The following TPCN2 variants were observed in gnomAD, a reference collection of about 807,000 sequenced individuals.
The protein encoded by TPCN2 is two pore channel protein 2.
TPCN2 carries 92 observed loss-of-function variants against 111.4 expected under a neutral mutation model. The observed-to-expected ratio is 0.83, with a 90% CI of 0.70 to 0.98. TPCN2 has a LOEUF of 0.98. TPCN2 is among the 50% of genes least tolerant of loss of function. TPCN2 has a pLI of 0.00. For missense variants in TPCN2, 995 were observed against 980.1 expected (o/e 1.02, Z -0.20); for synonymous variants, 405 against 414.5 (o/e 0.98, Z 0.28).
Position 69,062,901 on chromosome 11 carries a change from G to C in TPCN2, c.564G>C (p.Arg188=), listed in dbSNP as rs955576959. The change falls in exon 6 of 25, where the codon CGG becomes CGC. Residue 188 remains arginine (R), a synonymous_variant. Coordinates refer to ENST00000294309, the MANE Select transcript of TPCN2 (RefSeq NM_139075.4). ...TCTTCCAGCCCCTGCGGATCCGCCG[G>C]CTTCTCCGTCCCTTCTTCCTGCTGC... The part of the protein sequence containing the change: ...LVCHEPLRIR[R]LLRPFFLLQN... 2 of 1,613,962 alleles carry C rather than the reference G, an allele frequency of 1.2e-6. No homozygotes were observed. The highest frequency in any genetic ancestry group is 1.7e-6 in the Non-Finnish European group (2 of 1,179,902).
chr11:69,070,280 C>G lies in TPCN2; in HGVS notation c.830-150C>G, dbSNP rs552003076. 10 of 600,706 alleles carry G rather than the reference C, an allele frequency of 1.7e-5. No homozygotes were observed. The Admixed American group carries it at 2.4e-4, about 15-fold the overall frequency. 37.2% of individuals were successfully genotyped at this position (600,706 alleles called of 1,614,324 possible). On this transcript the variant is annotated intron_variant, in intron 8 of 24. Coordinates refer to ENST00000294309, the MANE Select transcript of TPCN2 (RefSeq NM_139075.4). The stretch of plus-strand genomic sequence containing the variant: ...ACCTCAAGTGATCCACCCGCCTCAG[C>G]CTCCCAAAGTGCTGGGATTACAGGC...
At chr11:69,072,463 C>T (rs565043954) in intron 11 of TPCN2, among the ~76,000 whole-genome samples, 164 bp from the exon 12 acceptor site, 24 of 151,858 alleles carry the variant, frequency 1.6e-4, no homozygotes, top group Admixed American at 1.4e-3. Flanking sequence ...CTCGGGGGGA[C>T]GGCAGTGGCA....
intron 4 of TPCN2, among the ~76,000 whole-genome samples, 169 bp downstream of exon 4, chr11:69,055,521 G>A (rs1211890407): frequency 6.6e-6 from 1 of 152,254 alleles, no homozygotes; most frequent in Non-Finnish European, 1.5e-5. Context: ...GCCTGAGGCA[G>A]AGGCTATGTC....
At chr11:69,065,445 G>A (rs770786330) in intron 7 of TPCN2, among the ~76,000 whole-genome samples, 5 of 152,194 alleles carry the variant, frequency 3.3e-5, no homozygotes, top group African/African-American at 1.2e-4. Context: ...TCTGCCCCAC[G>A]AAGGGGACCT....
intron 22 of TPCN2, 121 bp from the exon 23 acceptor site, chr11:69,086,402 C>A: frequency 1.2e-6 from 1 of 813,502 alleles, no homozygotes; most frequent in Non-Finnish European, 2.2e-6. Context: ...ACGCGCTCTG[C>A]ATCATGGTGT....
At chr11:69,074,931 A>G (rs1855689206) in intron 13 of TPCN2, among the ~76,000 whole-genome samples, 1 of 151,970 alleles carries the variant, frequency 6.6e-6, no homozygotes, top group African/African-American at 2.4e-5. Context: ...TGACTCTCCC[A>G]CCCTTTTCCA....
chr11:69,055,542 C>T (rs985940518), intron 4 of TPCN2, among the ~76,000 whole-genome samples, 190 bp downstream of exon 4: 1 of 152,230 alleles, frequency 6.6e-6, no homozygotes, highest in Non-Finnish European at 1.5e-5. Flanking sequence ...AGCTCTCCTC[C>T]CTCTCCACCA....
chr11:69,073,877 C>T, intron 13 of TPCN2, among the ~76,000 whole-genome samples: 1 of 152,176 alleles, frequency 6.6e-6, no homozygotes, highest in East Asian at 1.9e-4. Flanking sequence ...AGGCCTCTCT[C>T]CATGGCTGTA....
In TPCN2 at chr11:69,089,782, C is replaced by T. The variant is rs995370814; in HGVS notation, c.*1829C>T. 2.0e-5 allele frequency: 3 copies of T among 152,280 alleles called. No individual in the cohort carries two copies. The highest frequency in any genetic ancestry group is 7.2e-5 in the African/African-American group (3 of 41,436). 9.4% of individuals were successfully genotyped at this position (152,280 alleles called of 1,614,324 possible). ...CCCTGTCAAACTGCCTTTACTTTTT[C>T]CTTCCTTCCTTGCTCCCACCTGTGT... is the stretch of plus-strand genomic sequence containing the variant. On this transcript the variant is annotated 3_prime_UTR_variant, in exon 25 of 25. Coordinates refer to ENST00000294309, the MANE Select transcript of TPCN2 (RefSeq NM_139075.4).
At chr11:69,067,290 T>C (rs907983927) in intron 7 of TPCN2, among the ~76,000 whole-genome samples, 2 of 152,244 alleles carry the variant, frequency 1.3e-5, no homozygotes, top group African/African-American at 2.4e-5. Context: ...ACCGTGTCCA[T>C]GCGGGTGAGC....
chr11:69,074,631 T>C (rs1855677084), intron 13 of TPCN2, among the ~76,000 whole-genome samples: 2 of 152,168 alleles, frequency 1.3e-5, no homozygotes, highest in South Asian at 4.1e-4. Context: ...ATCCGGCCCA[T>C]GTTTAACCCA....
Position 69,088,035 on chromosome 11 carries a change from G to A in TPCN2, c.*82G>A. ...TGCCCGTCATGGAAGAGGCGGCCATGCTGTGGCCAGCCAGGCAGGAAGAGA... is the reference window on the plus strand; with the variant it reads ...TGCCCGTCATGGAAGAGGCGGCCATACTGTGGCCAGCCAGGCAGGAAGAGA... On this transcript the variant is annotated 3_prime_UTR_variant, in exon 25 of 25. Transcript: ENST00000294309. The A allele has an allele frequency of 8.1e-7, 1 of 1,239,916 alleles. No homozygotes were observed. The allele number at this position is 1,239,916 out of a possible 1,614,324, so 76.8% of individuals were successfully genotyped here. A position where few individuals can be genotyped will look rare whatever the true frequency, so the allele number is the denominator to read the frequency against.
In TPCN2 at chr11:69,088,173, G is replaced by A. The variant is rs568253024; in HGVS notation, c.*220G>A. On this transcript the variant is annotated 3_prime_UTR_variant, in exon 25 of 25. Transcript: ENST00000294309. ...GCTTCAGGGAGGCGCCGTGCCCTCC[G>A]CTTTCTTTTATAGCTGCTTCAGTGA... is the stretch of plus-strand genomic sequence containing the variant. 18 of 540,058 alleles carry A rather than the reference G, an allele frequency of 3.3e-5. No individual in the cohort carries two copies. The highest frequency in any genetic ancestry group is 1.8e-4 in the East Asian group (6 of 32,982). The allele number at this position is 540,058 out of a possible 1,614,324, so 33.5% of individuals were successfully genotyped here. A position where few individuals can be genotyped will look rare whatever the true frequency, so the allele number is the denominator to read the frequency against.
intron 13 of TPCN2, among the ~76,000 whole-genome samples, chr11:69,076,054 G>A (rs939015900): frequency 6.6e-6 from 1 of 152,168 alleles, no homozygotes; most frequent in Non-Finnish European, 1.5e-5. Context: ...TGTCATGTAC[G>A]GCAGTGGCAA....
chr11:69,062,776 T>G, intron 5 of TPCN2, 108 bp from the exon 6 acceptor site: 1 of 995,166 alleles, frequency 1.0e-6, no homozygotes, highest in Non-Finnish European at 1.5e-6. Context: ...GACTCTGGAG[T>G]GGCCCCCAGG....
intron 20 of TPCN2, 46 bp downstream of exon 20, chr11:69,085,332 G>A (rs1856224236): frequency 2.7e-6 from 4 of 1,466,206 alleles, no homozygotes; most frequent in Non-Finnish European, 3.8e-6. Flanking sequence ...CAGGGGTGCT[G>A]GGGTGGGCGG....
intron 7 of TPCN2, among the ~76,000 whole-genome samples, chr11:69,066,241 C>T (rs1855267715): frequency 6.6e-6 from 1 of 152,126 alleles, no homozygotes; most frequent in South Asian, 2.1e-4. Context: ...TGCTGTGGTC[C>T]TGCCGTCCCC....
chr11:69,064,695 T>A (rs1855185288), intron 7 of TPCN2, among the ~76,000 whole-genome samples: 1 of 152,238 alleles, frequency 6.6e-6, no homozygotes, highest in South Asian at 2.1e-4. Flanking sequence ...CTGCTGTTCC[T>A]GTTTGTGGCC....
At chr11:69,063,150 T>G (rs1374427275) in intron 6 of TPCN2, among the ~76,000 whole-genome samples, 160 bp downstream of exon 6, 3 of 151,810 alleles carry the variant, frequency 2.0e-5, no homozygotes, top group East Asian at 4.0e-4. Context: ...GGGGGGCTTT[T>G]GGGGTCTCTT....
Sources: gnomAD v4.1 joint callset for allele counts (sites outside exome capture counted in the v4.1 genomes callset) on GRCh38, gnomAD v4.1.1 for gene constraint, MANE v1.5 for transcripts, NCBI Gene and HGNC (gene_info 2026-07-23, HGNC 2026-07-21) for gene names.